The following SGCZ variants were observed in gnomAD, a reference collection of about 807,000 sequenced individuals.
SGCZ encodes the protein sarcoglycan zeta.
In SGCZ, 40 loss-of-function variants were observed where a neutral mutation model predicts 41.3. That is an observed-to-expected ratio of 0.97 (90% CI 0.75 to 1.26). The LOEUF (loss-of-function observed/expected upper bound fraction) is 1.26. SGCZ is among the 50% of genes most tolerant of loss of function. SGCZ has a pLI of 0.00. For missense variants in SGCZ, 552 were observed against 369.8 expected, an observed-to-expected ratio of 1.49 and a Z score of -4.04; for synonymous variants, 206 against 137.5, an observed-to-expected ratio of 1.50 and a Z score of -3.49.
At chr8:14,735,523 G>A (rs185528590) in intron 1 of SGCZ, among the ~76,000 whole-genome samples, 1 of 152,152 alleles carries the variant, frequency 6.6e-6, no homozygotes, top group African/African-American at 2.4e-5. Context: ...GGTTTGCTGG[G>A]GCCTCTCAGG....
At chr8:14,358,461 T>C (rs1288288154) in intron 2 of SGCZ, among the ~76,000 whole-genome samples, 1 of 152,160 alleles carries the variant, frequency 6.6e-6, no homozygotes, top group African/African-American at 2.4e-5. Context: ...GGTAACGCAA[T>C]GTATGGCTAA....
At chr8:14,426,847 G>C (rs934459624) in intron 2 of SGCZ, among the ~76,000 whole-genome samples, 3 of 151,994 alleles carry the variant, frequency 2.0e-5, no homozygotes, top group Non-Finnish European at 2.9e-5. Flanking sequence ...GGATTGAATG[G>C]ATCAAAAAAG....
rs1421256395 is a variant in SGCZ at position 15,199,742 on chromosome 8, G to T, written c.39+37843C>A. ...TAAACTATTGGCTAGGGAAACAAAG[G>T]ATATACTTCATTAGTTTCAGAAAAA... On this transcript the variant is annotated intron_variant, in intron 1 of 7. Transcript: ENST00000382080. Among the ~76,000 whole-genome samples the T allele has an allele frequency of 5.3e-5, 8 of 152,056 alleles. No individual in the cohort carries two copies. In the East Asian group the frequency reaches 1.5e-3, roughly 29 times the overall value.
chr8:14,808,037 GCTGAAACTGGATC>G (rs1321622039), intron 1 of SGCZ, among the ~76,000 whole-genome samples: 1 of 151,948 alleles, frequency 6.6e-6, no homozygotes, highest in Admixed American at 6.6e-5. Flanking sequence ...TATGTAGAAA[GCTGAAACTGGATC>G]CCTTCCTTAC....
At chr8:14,204,123 G>C (rs548754444) in intron 4 of SGCZ, among the ~76,000 whole-genome samples, 1 of 152,158 alleles carries the variant, frequency 6.6e-6, no homozygotes, top group East Asian at 1.9e-4. Flanking sequence ...GTTTCGGACC[G>C]TCTTCGGCAA....
Position 15,199,039 on chromosome 8 carries a change from G to A in SGCZ, c.39+38546C>T, listed in dbSNP as rs772406011. Among the ~76,000 whole-genome samples, 64 of 152,088 alleles carry A rather than the reference G, an allele frequency of 4.2e-4. 1 individual carries two copies. The highest frequency in any genetic ancestry group is 8.3e-4 in the South Asian group (4 of 4,826). On this transcript the variant is annotated intron_variant, in intron 1 of 7. Transcript: ENST00000382080. The stretch of plus-strand genomic sequence containing the variant: ...TATGAGAGTATTAATACAGTGATTC[G>A]TTTAAAACATATTTCATGACTTTCC...
At chr8:14,544,490 TAGGAG>T (rs1314639246) in intron 2 of SGCZ, among the ~76,000 whole-genome samples, 1 of 152,058 alleles carries the variant, frequency 6.6e-6, no homozygotes, top group African/African-American at 2.4e-5. Flanking sequence ...GACGTGCAAG[TAGGAG>T]AGATATTGCT....
At chr8:14,615,559 T>C (rs1806073233) in intron 1 of SGCZ, among the ~76,000 whole-genome samples, 2 of 152,336 alleles carry the variant, frequency 1.3e-5, no homozygotes, top group Admixed American at 6.5e-5. Context: ...AAAAATACAC[T>C]GAAAACTTTG....
At chr8:14,715,007 G>A (rs2130153703) in intron 1 of SGCZ, among the ~76,000 whole-genome samples, 1 of 152,074 alleles carries the variant, frequency 6.6e-6, no homozygotes, top group Middle Eastern at 3.4e-3. Context: ...CCAATGGTCT[G>A]GTTTTGCCTA....
chr8:14,714,806 G>A (rs1809634783), intron 1 of SGCZ, among the ~76,000 whole-genome samples: 1 of 152,048 alleles, frequency 6.6e-6, no homozygotes, highest in African/African-American at 2.4e-5. Flanking sequence ...GCTTCTAGAA[G>A]GCAAAACAAT....
intron 2 of SGCZ, among the ~76,000 whole-genome samples, chr8:14,524,443 A>T (rs983077582): frequency 6.6e-6 from 1 of 152,028 alleles, no homozygotes; most frequent in African/African-American, 2.4e-5. Context: ...TGCTCTTTAT[A>T]TGACCCTCAG....
At chr8:15,068,304 T>C (rs1805226195) in intron 1 of SGCZ, among the ~76,000 whole-genome samples, 1 of 152,334 alleles carries the variant, frequency 6.6e-6, no homozygotes, top group South Asian at 2.1e-4. Flanking sequence ...TCACCCTGCT[T>C]AGAAGTTTTC....
chr8:14,427,078 G>A (rs1188270993), intron 2 of SGCZ, among the ~76,000 whole-genome samples: 1 of 112,902 alleles, frequency 8.9e-6, no homozygotes, highest in Non-Finnish European at 1.7e-5. Context: ...GTGAATGAAC[G>A]AATGAATGAG....
chr8:14,229,808 T>C (rs2117144742), intron 4 of SGCZ, among the ~76,000 whole-genome samples: 1 of 152,318 alleles, frequency 6.6e-6, no homozygotes, highest in African/African-American at 2.4e-5. Flanking sequence ...CATGTCATTT[T>C]CAGGGTCTTT....
chr8:14,263,938 G>C (rs927512856), intron 3 of SGCZ, among the ~76,000 whole-genome samples: 1 of 152,220 alleles, frequency 6.6e-6, no homozygotes, highest in African/African-American at 2.4e-5. Context: ...GTGAAACCCA[G>C]CATGAAGCCC....
rs180894550 is a variant in SGCZ at position 14,670,204 on chromosome 8, T to C, written c.40-115278A>G. The stretch of plus-strand genomic sequence containing the variant: ...TTAAAATTAGGGAAATGTAAGATTA[T>C]GTTTCCAAATATGCTGATGATATGA... On this transcript the variant is annotated intron_variant, in intron 1 of 7. Transcript: ENST00000382080. 3.5e-3 allele frequency among the ~76,000 whole-genome samples: 534 copies of C among 152,302 alleles called. 1 individual carries two copies. The highest frequency in any genetic ancestry group is 5.9e-3 in the Non-Finnish European group (402 of 68,008).
chr8:14,542,492 T>C (rs538306418), intron 2 of SGCZ, among the ~76,000 whole-genome samples: 8 of 152,116 alleles, frequency 5.3e-5, no homozygotes, highest in Admixed American at 1.3e-4. Flanking sequence ...AACTAAATTT[T>C]CTATCCTGTA....
At chr8:14,119,778 T>C (rs1467003091) in intron 5 of SGCZ, among the ~76,000 whole-genome samples, 2 of 152,202 alleles carry the variant, frequency 1.3e-5, no homozygotes, top group African/African-American at 2.4e-5. Context: ...TGAAGTGGTG[T>C]TGAATTTTAT....
At chr8:14,670,033 T>C (rs912432268) in intron 1 of SGCZ, among the ~76,000 whole-genome samples, 3 of 152,222 alleles carry the variant, frequency 2.0e-5, no homozygotes, top group South Asian at 2.1e-4. Flanking sequence ...AGTTTATATC[T>C]TTTTCAGCTG....
Sources: gnomAD v4.1 joint callset for allele counts (sites outside exome capture counted in the v4.1 genomes callset) on GRCh38, gnomAD v4.1.1 for gene constraint, MANE v1.5 for transcripts, NCBI Gene and HGNC (gene_info 2026-07-23, HGNC 2026-07-21) for gene names.